The following SERGEF variants were observed in gnomAD, a reference collection of about 807,000 sequenced individuals.
The protein encoded by SERGEF is secretion-regulating guanine nucleotide exchange factor.
SERGEF carries 51 observed loss-of-function variants against 50.0 expected under a neutral mutation model. That is an observed-to-expected ratio of 1.02 (90% CI 0.81 to 1.29). The LOEUF (loss-of-function observed/expected upper bound fraction) is 1.29. Among genes scored for constraint, SERGEF ranks in the 50% most tolerant of loss-of-function variants. The pLI, the probability that SERGEF is intolerant of heterozygous loss-of-function variation, is 0.00. For missense variants in SERGEF, 521 were observed against 557.0 expected (o/e 0.94, Z 0.65); for synonymous variants, 205 against 212.4 (o/e 0.97, Z 0.30).
intron 10 of SERGEF, among the ~76,000 whole-genome samples, chr11:17,796,724 C>A (rs1272772680): frequency 2.0e-5 from 3 of 152,138 alleles, no homozygotes; most frequent in African/African-American, 7.2e-5. Context: ...GGAATTAGTC[C>A]ATCCATCACT....
intron 9 of SERGEF, among the ~76,000 whole-genome samples, chr11:17,917,578 A>G (rs1281686892): frequency 6.6e-6 from 1 of 152,228 alleles, no homozygotes; most frequent in Non-Finnish European, 1.5e-5. Context: ...ATAAATAAAT[A>G]AATGAATAAG....
At chr11:17,903,423 T>C (rs1233931638) in intron 9 of SERGEF, among the ~76,000 whole-genome samples, 2 of 152,214 alleles carry the variant, frequency 1.3e-5, no homozygotes, top group African/African-American at 4.8e-5. Flanking sequence ...ATAAAAATAT[T>C]TAATTCATTC....
intron 10 of SERGEF, among the ~76,000 whole-genome samples, chr11:17,830,882 G>A (rs941244996): frequency 6.6e-6 from 1 of 152,148 alleles, no homozygotes. Context: ...CATTTTCTAA[G>A]TGTGAGTACT....
At chr11:17,930,992 A>C (rs1852341637) in intron 9 of SERGEF, among the ~76,000 whole-genome samples, 1 of 152,142 alleles carries the variant, frequency 6.6e-6, no homozygotes, top group Non-Finnish European at 1.5e-5. Flanking sequence ...AGGAAGAGCT[A>C]ATATGGTATT....
chr11:17,885,346 G>A (rs1339560487), intron 9 of SERGEF, among the ~76,000 whole-genome samples: 2 of 152,170 alleles, frequency 1.3e-5, no homozygotes, highest in Non-Finnish European at 2.9e-5. Flanking sequence ...TTTAGAGACA[G>A]GGTCTTGCTC....
At chr11:17,905,765 T>C (rs754735701) in intron 9 of SERGEF, among the ~76,000 whole-genome samples, 7 of 152,192 alleles carry the variant, frequency 4.6e-5, no homozygotes, top group Non-Finnish European at 8.8e-5. Context: ...GACTGGCCTA[T>C]GCTCTGGTCC....
At chr11:17,922,699 C>T (rs379388) in intron 9 of SERGEF, among the ~76,000 whole-genome samples, 96,645 of 151,988 alleles carry the variant, frequency 0.64, 31,400 homozygotes, top group African/African-American at 0.77. Context: ...AAATACTGCT[C>T]GTTCTTTTGT....
At chr11:17,971,521 G>A (rs1853249038) in intron 8 of SERGEF, among the ~76,000 whole-genome samples, 14 of 152,234 alleles carry the variant, frequency 9.2e-5, no homozygotes, top group Admixed American at 9.2e-4. Flanking sequence ...CTGGATGATA[G>A]CACATCTGTT....
intron 10 of SERGEF, among the ~76,000 whole-genome samples, chr11:17,794,685 C>T (rs549472478): frequency 1.3e-5 from 2 of 152,150 alleles, no homozygotes; most frequent in South Asian, 4.1e-4. Flanking sequence ...TAATATTATC[C>T]CCATTTTGCA....
In SERGEF at chr11:17,888,653, ACACACACAC is replaced by A. The variant is rs1851476645; in HGVS notation, c.1012-10418_1012-10410del. 6.6e-6 allele frequency among the ~76,000 whole-genome samples: 1 copy of A among 151,148 alleles called. No individual in the cohort carries two copies. The highest frequency in any genetic ancestry group is 2.4e-5 in the African/African-American group (1 of 41,060). ...TACACACACACACACACACACACAC[ACACACACAC>A]ACACACACACACACACGCATTGAGT... On this transcript the variant is annotated intron_variant, in intron 9 of 10. Transcript: ENST00000265965. This position sits in a 1 kb window ranked among gnomAD's most constrained non-coding sequence, Gnocchi z 4.1.
chr11:17,833,508 T>C (rs1382215567), intron 10 of SERGEF, among the ~76,000 whole-genome samples: 1 of 152,136 alleles, frequency 6.6e-6, no homozygotes, highest in African/African-American at 2.4e-5. Context: ...CACTGCCTAG[T>C]AGAGCTGTGA....
rs190019343 is a variant in SERGEF, at chr11:17,799,250, C to T, written c.1049-10837G>A. Among the ~76,000 whole-genome samples the T allele has an allele frequency of 1.2e-4, 19 of 152,272 alleles. No homozygotes were observed. The East Asian group carries it at 3.7e-3, about 29-fold the overall frequency. On this transcript the variant is annotated intron_variant, in intron 10 of 10. Transcript: ENST00000265965. ...TGCACACATAGTCCCCAAGGTTCCA[C>T]CTCTGTTAGCTTAGCCTGAGGCCAC...
At position 17,946,644 on chromosome 11, in the gene SERGEF, T is replaced by C. The variant is rs1198303504; in HGVS notation, c.1011+12826A>G. On this transcript the variant is annotated intron_variant, in intron 9 of 10. Transcript: ENST00000265965. ...ACAGAACTGCTCCCAAAAGTCCCCA[T>C]GCAACAGCAGAAATTTCACCTTGAG... Among the ~76,000 whole-genome samples the C allele has an allele frequency of 2.0e-5, 3 of 152,128 alleles. No individual in the cohort carries two copies. The East Asian group carries it at 5.8e-4, about 29-fold the overall frequency.
At chr11:17,934,844 C>T (rs1166898931) in intron 9 of SERGEF, among the ~76,000 whole-genome samples, 4 of 152,192 alleles carry the variant, frequency 2.6e-5, no homozygotes, top group East Asian at 1.9e-4. Context: ...CCACCTAATA[C>T]CACGTCACAT....
intron 9 of SERGEF, among the ~76,000 whole-genome samples, chr11:17,880,691 C>A (rs1396597048): frequency 6.6e-6 from 1 of 150,922 alleles, no homozygotes; most frequent in Non-Finnish European, 1.5e-5. Context: ...AAGTGTAATG[C>A]AGTTACCACC....
In SERGEF at chr11:18,000,540, A is replaced by T. The variant is rs750510891; in HGVS notation, c.465T>A (p.Val155=). 1.3e-6 allele frequency: 2 copies of T among 1,587,508 alleles called. No homozygotes were observed. Among genetic ancestry groups the T allele is most frequent in the Admixed American group, 1.9e-5 (1 of 52,282 alleles). Reference sequence around the variant, plus strand: ...GCCTCAGTCCAGCAGCAATACAAACAACCTTCTCTTTATGGAGCTGTCAAA... The same window carrying T: ...GCCTCAGTCCAGCAGCAATACAAACTACCTTCTCTTTATGGAGCTGTCAAA... ...PQAIELHKEK[V]VCIAAGLRHA... Residue 155 remains valine (V), a synonymous_variant, in exon 5 of 11, where the codon GTT becomes GTA. Transcript: ENST00000265965.
intron 8 of SERGEF, among the ~76,000 whole-genome samples, chr11:17,983,969 C>T (rs1853545001): frequency 6.6e-6 from 1 of 152,098 alleles, no homozygotes; most frequent in Non-Finnish European, 1.5e-5. Context: ...GGCCAGAGTG[C>T]AGATTGGATA....
intron 8 of SERGEF, among the ~76,000 whole-genome samples, chr11:17,966,877 T>C (rs1244029021): frequency 2.0e-5 from 3 of 152,206 alleles, no homozygotes; most frequent in Admixed American, 6.5e-5. Flanking sequence ...TGACTCTGTA[T>C]AAAACTGCTT....
In SERGEF at chr11:17,801,622, TG is replaced by T. The variant is rs144971137; in HGVS notation, c.1049-13210del. Among the ~76,000 whole-genome samples, 907 of 152,202 alleles carry T rather than the reference TG, an allele frequency of 6.0e-3. 5 individuals carry two copies. The highest frequency in any genetic ancestry group is 0.017 in the Middle Eastern group (5 of 294). On this transcript the variant is annotated intron_variant, in intron 10 of 10. Coordinates refer to ENST00000265965, the MANE Select transcript of SERGEF (RefSeq NM_012139.4). The stretch of plus-strand genomic sequence containing the variant: ...AGGAGGCCTGGAGGAGAGATAGGCT[TG>T]GGGGAGAAAATCAAGAGTTCTGTTT...
Sources: gnomAD v4.1 joint callset for allele counts (sites outside exome capture counted in the v4.1 genomes callset) on GRCh38, gnomAD v4.1.1 for gene constraint, Gnocchi (gnomAD v3.1) non-coding constraint, MANE v1.5 for transcripts, NCBI Gene and HGNC (gene_info 2026-07-23, HGNC 2026-07-21) for gene names.